The following GABRR2 variants were observed in gnomAD, a reference collection of about 807,000 sequenced individuals.
GABRR2 encodes gamma-aminobutyric acid type A receptor subunit rho2.
In GABRR2, 36 loss-of-function variants were observed where a neutral mutation model predicts 47.0. That is an observed-to-expected ratio of 0.77 (90% CI 0.59 to 1.01). The LOEUF (loss-of-function observed/expected upper bound fraction) is 1.01, where lower values mean the gene tolerates loss of function less well. GABRR2 is among the 50% of genes least tolerant of loss of function. The probability of loss-of-function intolerance (pLI) is 0.00; values close to 1 mark genes in which losing one functional copy is unlikely to be tolerated. For missense variants in GABRR2, 587 were observed against 594.6 expected (o/e 0.99, Z 0.13); for synonymous variants, 204 against 227.5 (o/e 0.90, Z 0.93).
intron 1 of GABRR2, chr6:89,302,676 C>CGT: frequency 7.7e-7 from 1 of 1,298,450 alleles, no homozygotes; most frequent in South Asian, 1.2e-5. Flanking sequence ...TGCCCGCGAC[C>CGT]GGCACCACGG....
intron 2 of GABRR2, among the ~76,000 whole-genome samples, chr6:89,276,633 C>A (rs1194627502): frequency 6.6e-6 from 1 of 150,940 alleles, no homozygotes; most frequent in African/African-American, 2.5e-5. Flanking sequence ...TACCATTGTC[C>A]TAAAGGTTTT....
At chr6:89,274,140 G>T (rs1774113462) in intron 2 of GABRR2, among the ~76,000 whole-genome samples, 1 of 152,254 alleles carries the variant, frequency 6.6e-6, no homozygotes, top group South Asian at 2.1e-4. Flanking sequence ...GCCCTTTTAA[G>T]GAGAAATTTG....
intron 8 of GABRR2, among the ~76,000 whole-genome samples, chr6:89,262,263 T>C (rs1773765467): frequency 6.6e-6 from 1 of 152,206 alleles, no homozygotes; most frequent in Admixed American, 6.5e-5. Flanking sequence ...TGTAATACAT[T>C]GAAATGTTAA....
At position 89,257,721 on chromosome 6, in the gene GABRR2, G is replaced by A. The variant is rs768183809; in HGVS notation, c.1347C>T (p.Phe449=). The A allele has an allele frequency of 3.1e-6, 5 of 1,613,774 alleles. No individual in the cohort carries two copies. The highest frequency in any genetic ancestry group is 4.2e-6 in the Non-Finnish European group (5 of 1,179,848). The change falls in exon 9 of 9, where the codon TTC becomes TTT. Residue 449 remains phenylalanine, a synonymous_variant. Coordinates refer to ENST00000402938, the MANE Select transcript of GABRR2 (RefSeq NM_002043.5). ...AGTTGAAAAATATGTAGGAGGCAGG[G>A]AATATCAACCTAGAGTATTTGTCAA... ...HAIDKYSRLI[F]PASYIFFNLI... is the part of the protein sequence containing the mutation.
intron 2 of GABRR2, among the ~76,000 whole-genome samples, chr6:89,282,896 G>A (rs956845722): frequency 1.3e-5 from 2 of 152,182 alleles, no homozygotes; most frequent in East Asian, 1.9e-4. Flanking sequence ...GTGCAGCTCC[G>A]TGTTCTTGAC....
At chr6:89,273,702 T>C (rs1348224031) in intron 2 of GABRR2, among the ~76,000 whole-genome samples, 5 of 152,184 alleles carry the variant, frequency 3.3e-5, no homozygotes, top group Non-Finnish European at 2.9e-5. Context: ...CAGAGCTGTC[T>C]CCTAGTACCT....
chr6:89,280,133 C>T (rs930439349), intron 2 of GABRR2, among the ~76,000 whole-genome samples: 1 of 150,134 alleles, frequency 6.7e-6, no homozygotes, highest in African/African-American at 2.5e-5. Context: ...CGCTTGAACC[C>T]GGGAAGTGGA....
At chr6:89,281,659 C>T (rs1774256082) in intron 2 of GABRR2, among the ~76,000 whole-genome samples, 1 of 152,088 alleles carries the variant, frequency 6.6e-6, no homozygotes, top group South Asian at 2.1e-4. Context: ...ACAGCAGCTC[C>T]GTGTAGTCCA....
intron 1 of GABRR2, among the ~76,000 whole-genome samples, chr6:89,312,477 C>T (rs1220984986): frequency 2.0e-5 from 3 of 152,152 alleles, no homozygotes; most frequent in African/African-American, 7.2e-5. Flanking sequence ...TGACCATGTG[C>T]ATAGTGTGTG....
chr6:89,259,798 C>T (rs187117393), intron 8 of GABRR2, among the ~76,000 whole-genome samples: 1 of 152,036 alleles, frequency 6.6e-6, no homozygotes, highest in East Asian at 1.9e-4. Context: ...GCCACTGCAC[C>T]CAGCCAACAA....
chr6:89,306,648 A>G (rs1319752645), intron 1 of GABRR2, among the ~76,000 whole-genome samples: 2 of 152,190 alleles, frequency 1.3e-5, no homozygotes, highest in Non-Finnish European at 2.9e-5. Context: ...AAACCAGGTG[A>G]CGGCAAAGGA....
chr6:89,284,600 A>G (rs1296121178), intron 2 of GABRR2, among the ~76,000 whole-genome samples: 1 of 152,184 alleles, frequency 6.6e-6, no homozygotes, highest in South Asian at 2.1e-4. Context: ...GACCACAAAG[A>G]AAGGGAGCCA....
At chr6:89,293,895 A>G (rs191635305) in intron 2 of GABRR2, among the ~76,000 whole-genome samples, 1 of 152,316 alleles carries the variant, frequency 6.6e-6, no homozygotes, top group African/African-American at 2.4e-5. Flanking sequence ...CTACCTAATC[A>G]AACAGCTGGT....
intron 2 of GABRR2, among the ~76,000 whole-genome samples, chr6:89,291,542 C>A (rs1427810818): frequency 6.6e-6 from 1 of 151,950 alleles, no homozygotes; most frequent in African/African-American, 2.4e-5. Flanking sequence ...TTCGCTGCTT[C>A]CTGCTCCGGG....
chr6:89,284,941 T>G (rs1384386800), intron 2 of GABRR2, among the ~76,000 whole-genome samples: 1 of 152,200 alleles, frequency 6.6e-6, no homozygotes, highest in African/African-American at 2.4e-5. Context: ...AAGAATATGT[T>G]GATGGACTAC....
At chr6:89,313,508 C>CT (rs1417606401) in intron 1 of GABRR2, among the ~76,000 whole-genome samples, 1 of 152,180 alleles carries the variant, frequency 6.6e-6, no homozygotes, top group Admixed American at 6.5e-5. Flanking sequence ...TCTGAGGCTC[C>CT]TTCCAGTTTA....
chr6:89,295,911 C>T (rs1774544709), intron 2 of GABRR2, among the ~76,000 whole-genome samples: 1 of 152,122 alleles, frequency 6.6e-6, no homozygotes, highest in South Asian at 2.1e-4. Flanking sequence ...TTGTTTTTGT[C>T]AGGTTTGTCA....
rs770316103 is a variant in GABRR2, at chr6:89,315,063, G to C, written c.103C>G (p.Pro35Ala). 1 of 1,613,222 alleles carries C rather than the reference G, an allele frequency of 6.2e-7. No individual in the cohort carries two copies. Among genetic ancestry groups the C allele is most frequent in the South Asian group, 1.1e-5 (1 of 90,980 alleles). Residue 35 changes from proline (P) to alanine (A), a missense_variant, in exon 1 of 9, where the codon CCC becomes GCC. Pro to Ala is a conservative substitution (Grantham distance 27). Coordinates refer to ENST00000402938, the MANE Select transcript of GABRR2 (RefSeq NM_002043.5). ...CACCTATGACTTTACCTTGGCTTGG[G>C]CATTTCCACCTGCCCTGTCCATCGC... ...RKRWTGQVEMPKPSHLYKKNL... is the reference protein window; with the variant it reads ...RKRWTGQVEMAKPSHLYKKNL...
At chr6:89,304,832 C>G (rs1767528870) in intron 1 of GABRR2, among the ~76,000 whole-genome samples, 1 of 152,166 alleles carries the variant, frequency 6.6e-6, no homozygotes, top group East Asian at 1.9e-4. Context: ...CGTTTATACA[C>G]TGTTGATGGG....
Sources: gnomAD v4.1 joint callset for allele counts (sites outside exome capture counted in the v4.1 genomes callset) on GRCh38, gnomAD v4.1.1 for gene constraint, MANE v1.5 for transcripts, NCBI Gene and HGNC (gene_info 2026-07-23, HGNC 2026-07-21) for gene names.